The following BRD4 variants were observed in gnomAD, a reference collection of about 807,000 sequenced individuals.
BRD4 encodes the protein bromodomain containing 4.
In BRD4, 16 loss-of-function variants were observed where a neutral mutation model predicts 142.1. The observed-to-expected ratio is 0.11, with a 90% CI of 0.08 to 0.17. BRD4 has a LOEUF of 0.17. Among genes scored for constraint, BRD4 ranks in the 10% least tolerant of loss-of-function variants. The probability of loss-of-function intolerance (pLI) is 1.00; values close to 1 mark genes in which losing one functional copy is unlikely to be tolerated. For missense variants in BRD4, 1,424 were observed against 1,810.9 expected (o/e 0.79, Z 3.88); for synonymous variants, 833 against 707.5 (o/e 1.18, Z -2.82).
chr19:15,245,544 G>A (rs758081467), intron 11 of BRD4, among the ~76,000 whole-genome samples: 72 of 152,300 alleles, frequency 4.7e-4, no homozygotes, highest in Non-Finnish European at 9.0e-4. Flanking sequence ...CCACAGTAGG[G>A]TGGATGGGTC....
At chr19:15,249,830 G>A (rs2047325440) in intron 11 of BRD4, among the ~76,000 whole-genome samples, 1 of 152,110 alleles carries the variant, frequency 6.6e-6, no homozygotes, top group Non-Finnish European at 1.5e-5. Flanking sequence ...CAGTGGAGGG[G>A]AAAGAGCAAA....
chr19:15,254,168 G>T lies in BRD4; in HGVS notation c.2142C>A (p.Ser714Arg), dbSNP rs114723577. The change falls in exon 11 of 20, where the codon AGC becomes AGA. Residue 714 changes from serine to arginine, a missense_variant. By Grantham distance (110) the Ser-to-Arg change is moderately radical (BLOSUM62 -1). This residue lies in a region of BRD4 where 598 missense variants were observed against 647.8 expected (regional missense o/e 0.92). Coordinates refer to ENST00000679869, the MANE Select transcript of BRD4 (RefSeq NM_001379291.1). ...TCACCTAACCTGTTTCGGAGTCTTCGCTGTCAGAGGAGCTGGACTCACTGG... is the reference window on the plus strand; with the variant it reads ...TCACCTAACCTGTTTCGGAGTCTTCTCTGTCAGAGGAGCTGGACTCACTGG... ...ESSSESSSSD[S>R]EDSETEMAPK... 1 of 1,614,098 alleles carries T rather than the reference G, an allele frequency of 6.2e-7. No individual in the cohort carries two copies. The highest frequency in any genetic ancestry group is 8.5e-7 in the Non-Finnish European group (1 of 1,179,954).
At chr19:15,248,387 C>G (rs2047310898) in intron 11 of BRD4, 1 of 214,890 alleles carries the variant, frequency 4.7e-6, no homozygotes, top group East Asian at 6.9e-5. Context: ...GTGACACCCT[C>G]TCTGGTCCAC....
chr19:15,283,470 T>C (rs1410988942), intron 1 of BRD4, among the ~76,000 whole-genome samples: 2 of 152,216 alleles, frequency 1.3e-5, no homozygotes, highest in Non-Finnish European at 2.9e-5. Context: ...GGGAAACATG[T>C]TATGACAGCT....
At chr19:15,308,115 CAAAAAAAAAAA>C (rs57642262) in intron 1 of BRD4, among the ~76,000 whole-genome samples, 22 of 21,184 alleles carry the variant, frequency 1.0e-3, no homozygotes, top group Non-Finnish European at 1.4e-3. Context: ...GACTCCGTCT[CAAAAAAAAAAA>C]AAAAAAAAAA....
In BRD4 at chr19:15,255,682, G is replaced by T. The variant is rs1568383909; in HGVS notation, c.1752-90C>A. 4 of 1,451,166 alleles carry T rather than the reference G, an allele frequency of 2.8e-6. No homozygotes were observed. In the South Asian group the frequency reaches 5.5e-5, roughly 20 times the overall value. The allele number at this position is 1,451,166 out of a possible 1,614,324, so 89.9% of individuals were successfully genotyped here. On this transcript the variant is annotated intron_variant, in intron 9 of 19. Transcript: ENST00000679869. Reference sequence around the variant, plus strand: ...TCCACATGTATGTTGGGGGGAAGGGGTGCCCTTCCCATACCCCCCACCCAC... The same window carrying T: ...TCCACATGTATGTTGGGGGGAAGGGTTGCCCTTCCCATACCCCCCACCCAC...
At chr19:15,253,394 C>G in intron 11 of BRD4, 1 of 659,116 alleles carries the variant, frequency 1.5e-6, no homozygotes, top group Non-Finnish European at 2.6e-6. Flanking sequence ...CCCAGCATCA[C>G]TACCTGCCTC....
intron 7 of BRD4, among the ~76,000 whole-genome samples, chr19:15,261,303 G>T (rs1278728823): frequency 6.6e-6 from 1 of 152,108 alleles, no homozygotes; most frequent in East Asian, 1.9e-4. Context: ...TGACCAATCG[G>T]CAAAACCCCC....
chr19:15,300,309 C>A (rs2047857022), intron 1 of BRD4, among the ~76,000 whole-genome samples: 1 of 152,096 alleles, frequency 6.6e-6, no homozygotes, highest in South Asian at 2.1e-4. Context: ...CCCCTGTAAT[C>A]CCAGCACTTT....
At chr19:15,255,674 G>A (rs1309863887) in intron 9 of BRD4, 82 bp from the exon 10 acceptor site, 3 of 1,492,906 alleles carry the variant, frequency 2.0e-6, no homozygotes, top group Non-Finnish European at 2.7e-6. Flanking sequence ...GTATGTTGGG[G>A]GGAAGGGGTG....
At chr19:15,278,448 T>C (rs2145640791) in intron 1 of BRD4, among the ~76,000 whole-genome samples, 1 of 145,272 alleles carries the variant, frequency 6.9e-6, no homozygotes, top group East Asian at 2.1e-4. Flanking sequence ...GACAGGAGAA[T>C]CACTTGAACC....
intron 1 of BRD4, among the ~76,000 whole-genome samples, chr19:15,282,984 AAAT>A (rs1252478258): frequency 6.6e-6 from 1 of 152,218 alleles, no homozygotes; most frequent in African/African-American, 2.4e-5. Flanking sequence ...ATAATAAATT[AAAT>A]AATTAAATTA....
intron 11 of BRD4, among the ~76,000 whole-genome samples, chr19:15,249,475 C>T (rs561962923): frequency 6.6e-6 from 1 of 152,268 alleles, no homozygotes; most frequent in South Asian, 2.1e-4. Flanking sequence ...GGGACAGACC[C>T]ACCGCCCGCT....
intron 11 of BRD4, among the ~76,000 whole-genome samples, chr19:15,245,500 T>TA (rs2047277929): frequency 6.6e-6 from 1 of 152,152 alleles, no homozygotes. Context: ...GAAGGCAGCA[T>TA]ACGCCCCCAC....
At chr19:15,251,811 G>A (rs556119796) in intron 11 of BRD4, among the ~76,000 whole-genome samples, 1 of 152,334 alleles carries the variant, frequency 6.6e-6, no homozygotes, top group East Asian at 1.9e-4. Context: ...CACACAGAAG[G>A]CAAAGGAAAG....
At chr19:15,269,613 GCACA>G (rs1208075386) in intron 2 of BRD4, among the ~76,000 whole-genome samples, 2 of 152,132 alleles carry the variant, frequency 1.3e-5, no homozygotes, top group Non-Finnish European at 2.9e-5. Flanking sequence ...TCTTTCATTT[GCACA>G]CAGTCTACCA....
At position 15,254,939 on chromosome 19, in the gene BRD4, C is replaced by T. The variant is rs375494683; in HGVS notation, c.2047+358G>A. ...GCTGGCTCAGTGCTGCATAACGTAT[C>T]GGTACACAGGTCCTGGGACCCTGCA... On this transcript the variant is annotated intron_variant, in intron 10 of 19. Transcript: ENST00000679869. Among the ~76,000 whole-genome samples, 30 of 152,276 alleles carry T rather than the reference C, an allele frequency of 2.0e-4. No homozygotes were observed. The East Asian group carries it at 5.6e-3, about 29-fold the overall frequency.
chr19:15,246,517 G>A (rs1339219027), intron 11 of BRD4: 1 of 152,444 alleles, frequency 6.6e-6, no homozygotes, highest in Non-Finnish European at 1.5e-5. Context: ...CCTCAGGGAT[G>A]TGTCCAGATA....
At chr19:15,278,648 A>G (rs575133083) in intron 1 of BRD4, among the ~76,000 whole-genome samples, 192 of 149,742 alleles carry the variant, frequency 1.3e-3, no homozygotes, top group Admixed American at 1.7e-3. Context: ...AGACATTGGT[A>G]CTTATTCTGC....
Sources: allele counts gnomAD v4.1 joint callset (sites outside exome capture counted in the v4.1 genomes callset), GRCh38; gene constraint gnomAD v4.1.1; regional missense constraint gnomAD v4.1.1; transcripts MANE v1.5; gene names NCBI Gene and HGNC (gene_info 2026-07-23, HGNC 2026-07-21).